The following AP2A2 variants were observed in gnomAD, a reference collection of about 807,000 sequenced individuals.
AP2A2 encodes the protein adaptor related protein complex 2 subunit alpha 2.
Under a neutral mutation model 104.2 loss-of-function variants are expected in AP2A2, and 32 were observed. The ratio of observed to expected loss-of-function variants is 0.31; its 90% CI spans 0.23 to 0.41. The LOEUF (loss-of-function observed/expected upper bound fraction) is 0.41, where lower values mean the gene tolerates loss of function less well. Ranked by LOEUF, AP2A2 falls within the 10% of genes least tolerant of loss-of-function variation. The pLI, the probability that AP2A2 is intolerant of heterozygous loss-of-function variation, is 1.00. For synonymous variants in AP2A2, 539 were observed against 533.3 expected, an observed-to-expected ratio of 1.01 and a Z score of -0.15; for missense variants, 912 against 1,261.0, an observed-to-expected ratio of 0.72 and a Z score of 4.19.
At chr11:940,644 C>T (rs150166069) in intron 1 of AP2A2, 44 of 354,016 alleles carry the variant, frequency 1.2e-4, no homozygotes, top group African/African-American at 7.9e-4. Context: ...TTTCCTTTGG[C>T]GTTTCCTTCT....
intron 1 of AP2A2, among the ~76,000 whole-genome samples, chr11:931,704 A>G (rs1853297103): frequency 6.6e-6 from 1 of 152,172 alleles, no homozygotes; most frequent in South Asian, 2.1e-4. Flanking sequence ...TCTTGAAGAA[A>G]GTGATACAGT....
Position 986,842 on chromosome 11 carries a change from C to G in AP2A2, c.1020C>G (p.Arg340=), listed in dbSNP as rs747326791. The stretch of plus-strand genomic sequence containing the variant: ...AGTTGGGCCAGTTTCTGCAGCACCG[C>G]GAGACCAACCTGCGCTACCTGGCCC... ...CNQLGQFLQH[R]ETNLRYLALE... Residue 340 remains arginine, a synonymous_variant, in exon 9 of 22, where the codon CGC becomes CGG. Coordinates refer to ENST00000448903, the MANE Select transcript of AP2A2 (RefSeq NM_012305.4). 1.9e-6 allele frequency: 3 copies of G among 1,612,924 alleles called. No individual in the cohort carries two copies. Among genetic ancestry groups the G allele is most frequent in the South Asian group, 1.1e-5 (1 of 90,692 alleles).
At chr11:1,008,358 C>T in intron 18 of AP2A2, 1 of 583,594 alleles carries the variant, frequency 1.7e-6, no homozygotes, top group East Asian at 3.4e-5. Flanking sequence ...GTGGCAGCTC[C>T]CACATGGGGC....
At chr11:974,458 C>T (rs995507944) in intron 4 of AP2A2, among the ~76,000 whole-genome samples, 1 of 152,038 alleles carries the variant, frequency 6.6e-6, no homozygotes, top group African/African-American at 2.4e-5. Flanking sequence ...CCAAGGTGGG[C>T]GGGCCTGAGG....
At chr11:1,006,366 T>C (rs1002502313) in intron 16 of AP2A2, among the ~76,000 whole-genome samples, 162 bp from the exon 17 acceptor site, 1 of 152,242 alleles carries the variant, frequency 6.6e-6, no homozygotes, top group Non-Finnish European at 1.5e-5. Context: ...GTGCTCGTTC[T>C]AAAACTGGAA....
rs1856443338 is a variant in AP2A2, at chr11:1,011,822, G to A, written c.*1197G>A. The stretch of plus-strand genomic sequence containing the variant: ...GTGCGGGTCCCTGGGGCAGCTGCAG[G>A]GGCTCATGGACCCATCAGGGTCTCC... On this transcript the variant is annotated 3_prime_UTR_variant, in exon 22 of 22. Transcript: ENST00000448903. The A allele has an allele frequency of 3.4e-6, 1 of 298,222 alleles. No individual in the cohort carries two copies. The highest frequency in any genetic ancestry group is 2.9e-5 in the South Asian group (1 of 34,886). The allele number at this position is 298,222 out of a possible 1,614,324, so 18.5% of individuals were successfully genotyped here.
chr11:971,842 G>A (rs989140039), intron 3 of AP2A2, among the ~76,000 whole-genome samples: 3 of 152,180 alleles, frequency 2.0e-5, no homozygotes, highest in Non-Finnish European at 2.9e-5. Context: ...CCACAGGAAC[G>A]CTGCGCCATG....
intron 1 of AP2A2, among the ~76,000 whole-genome samples, chr11:938,783 GTA>G (rs1431013105): frequency 6.6e-6 from 1 of 151,998 alleles, no homozygotes; most frequent in Non-Finnish European, 1.5e-5. Context: ...CCAAATGTTT[GTA>G]TGTTTTTACA....
At chr11:1,008,509 G>C (rs1367369774) in intron 18 of AP2A2, 1 of 236,414 alleles carries the variant, frequency 4.2e-6, no homozygotes, top group African/African-American at 2.3e-5. Flanking sequence ...CCCCTGGCCT[G>C]GGGGGCGCGT....
rs370313860 is a variant in AP2A2, at chr11:985,467, C to T, written c.847C>T (p.Leu283=). The T allele has an allele frequency of 2.0e-4, 326 of 1,613,988 alleles. 2 individuals are homozygous for T. The highest frequency in any genetic ancestry group is 1.0e-3 in the South Asian group (91 of 91,086). The change falls in exon 8 of 22, where the codon CTG becomes TTG. Residue 283 remains leucine, a synonymous_variant. Coordinates refer to ENST00000448903, the MANE Select transcript of AP2A2 (RefSeq NM_012305.4). ...PAVRGRLTEC[L]ETILNKAQEP... is the part of the protein sequence containing the mutation. ...AGTGCGAGGCCGCCTGACTGAGTGCCTGGAGACCATCCTGAACAAAGCCCA... is the reference window on the plus strand; with the variant it reads ...AGTGCGAGGCCGCCTGACTGAGTGCTTGGAGACCATCCTGAACAAAGCCCA...
At chr11:984,804 CCT>C (rs1855395631) in intron 7 of AP2A2, 51 bp downstream of exon 7, 2 of 1,400,788 alleles carry the variant, frequency 1.4e-6, no homozygotes, top group Non-Finnish European at 2.0e-6. Flanking sequence ...AGTCTGATTC[CCT>C]GTCTCAGATT....
chr11:963,996 C>G (rs1011768670), intron 2 of AP2A2, among the ~76,000 whole-genome samples: 1 of 152,198 alleles, frequency 6.6e-6, no homozygotes, highest in Non-Finnish European at 1.5e-5. Context: ...TAGAGTGGCC[C>G]CCACAACAGA....
At chr11:1,005,896 T>G (rs1226665159) in intron 16 of AP2A2, among the ~76,000 whole-genome samples, 1 of 152,250 alleles carries the variant, frequency 6.6e-6, no homozygotes, top group Non-Finnish European at 1.5e-5. Context: ...ATATTTGAGA[T>G]TTCCTTTCTG....
At position 993,914 on chromosome 11, in the gene AP2A2, G is replaced by A. The variant is rs1233987972; in HGVS notation, c.1711G>A (p.Ala571Thr). 4.3e-6 allele frequency: 7 copies of A among 1,611,698 alleles called. No individual in the cohort carries two copies. The highest frequency in any genetic ancestry group is 2.7e-5 in the African/African-American group (2 of 74,946). ...GCGCAGCGACAGCCAGCTCAGGAAC[G>A]CAGACGTGGAGCTGCAGCAGCGTGC... ...VLRSDSQLRN[A>T]DVELQQRAVE... Residue 571 changes from alanine to threonine, a missense_variant, in exon 13 of 22, where the codon GCA becomes ACA. This residue lies in a region of AP2A2 where 137 missense variants were observed against 186.9 expected (regional missense o/e 0.73). Coordinates refer to ENST00000448903, the MANE Select transcript of AP2A2 (RefSeq NM_012305.4). The surrounding 1 kb of genome is among the most constrained non-coding windows in gnomAD (Gnocchi z 8.2).
intron 16 of AP2A2, among the ~76,000 whole-genome samples, 181 bp from the exon 17 acceptor site, chr11:1,006,347 A>G (rs1384087358): frequency 6.6e-6 from 1 of 152,256 alleles, no homozygotes; most frequent in African/African-American, 2.4e-5. Flanking sequence ...CCGTGTTACC[A>G]GCACTGGTGT....
Position 985,474 on chromosome 11 carries a change from C to T in AP2A2, c.854C>T (p.Thr285Ile). 6.2e-7 allele frequency: 1 copy of T among 1,613,946 alleles called. No individual in the cohort carries two copies. The highest frequency in any genetic ancestry group is 8.5e-7 in the Non-Finnish European group (1 of 1,179,886). Residue 285 changes from threonine to isoleucine, a missense_variant, in exon 8 of 22, where the codon ACC (threonine) becomes ATC (isoleucine). Coordinates refer to ENST00000448903, the MANE Select transcript of AP2A2 (RefSeq NM_012305.4). ...GGCCGCCTGACTGAGTGCCTGGAGA[C>T]CATCCTGAACAAAGCCCAAGAACCG... ...VRGRLTECLE[T>I]ILNKAQEPPK...
At chr11:938,851 A>C (rs2134474044) in intron 1 of AP2A2, among the ~76,000 whole-genome samples, 1 of 152,282 alleles carries the variant, frequency 6.6e-6, no homozygotes, top group South Asian at 2.1e-4. Context: ...GTTTATTTTT[A>C]GTTATTAGGA....
chr11:1,008,327 C>T, intron 18 of AP2A2, 192 bp downstream of exon 18: 1 of 853,968 alleles, frequency 1.2e-6, no homozygotes, highest in Non-Finnish European at 1.7e-6. Context: ...GGAGGCGGAG[C>T]CCTGGGCTCC....
At chr11:1,005,032 AC>A (rs1231570940) in intron 16 of AP2A2, among the ~76,000 whole-genome samples, 3 of 152,178 alleles carry the variant, frequency 2.0e-5, no homozygotes, top group African/African-American at 7.2e-5. Context: ...GTACCTGTCC[AC>A]CCATGTCCAA....
Sources: allele counts gnomAD v4.1 joint callset (sites outside exome capture counted in the v4.1 genomes callset), GRCh38; gene constraint gnomAD v4.1.1; regional missense constraint gnomAD v4.1.1; non-coding constraint Gnocchi (gnomAD v3.1); transcripts MANE v1.5; gene names NCBI Gene and HGNC (gene_info 2026-07-23, HGNC 2026-07-21).